The following PTPRG variants were observed in gnomAD, a reference collection of about 807,000 sequenced individuals.
PTPRG encodes the protein receptor-type tyrosine-protein phosphatase gamma.
Under a neutral mutation model 165.3 loss-of-function variants are expected in PTPRG, and 102 were observed. That is an observed-to-expected ratio of 0.62 (90% CI 0.53 to 0.73). The LOEUF (loss-of-function observed/expected upper bound fraction) is 0.73. Among genes scored for constraint, PTPRG ranks in the 30% least tolerant of loss-of-function variants. The probability of loss-of-function intolerance (pLI) is 0.00; values close to 1 mark genes in which losing one functional copy is unlikely to be tolerated. For synonymous variants in PTPRG, 675 were observed against 669.5 expected, an observed-to-expected ratio of 1.01 and a Z score of -0.13; for missense variants, 1,866 against 1,861.4, an observed-to-expected ratio of 1.00 and a Z score of -0.05.
chr3:62,225,717 G>C (rs1392242435), intron 13 of PTPRG, among the ~76,000 whole-genome samples: 1 of 150,132 alleles, frequency 6.7e-6, no homozygotes, highest in Non-Finnish European at 1.5e-5. Context: ...GTGCAATGGT[G>C]TGATCTCGGC....
intron 4 of PTPRG, among the ~76,000 whole-genome samples, chr3:62,046,142 A>G (rs1445664224): frequency 2.0e-5 from 3 of 152,136 alleles, no homozygotes; most frequent in Non-Finnish European, 4.4e-5. Flanking sequence ...CCCTCTCCCC[A>G]CTATACATCT....
At chr3:61,996,705 C>T (rs1214475845) in intron 3 of PTPRG, among the ~76,000 whole-genome samples, 1 of 152,122 alleles carries the variant, frequency 6.6e-6, no homozygotes, top group Non-Finnish European at 1.5e-5. Flanking sequence ...GCTAAGTGTG[C>T]TTTTGCTCTA....
At chr3:61,737,917 T>TTG (rs1041574117) in intron 1 of PTPRG, among the ~76,000 whole-genome samples, 1 of 150,520 alleles carries the variant, frequency 6.6e-6, no homozygotes, top group Non-Finnish European at 1.5e-5. Flanking sequence ...TTTTTTTGTT[T>TTG]TTTTTTTTTA....
At chr3:62,148,931 T>C (rs1391452239) in intron 6 of PTPRG, among the ~76,000 whole-genome samples, 1 of 152,160 alleles carries the variant, frequency 6.6e-6, no homozygotes, top group Non-Finnish European at 1.5e-5. Context: ...TCACACACAG[T>C]GCAGTTGTGG....
At chr3:61,585,150 T>C (rs993271870) in intron 1 of PTPRG, among the ~76,000 whole-genome samples, 2 of 151,590 alleles carry the variant, frequency 1.3e-5, no homozygotes, top group Non-Finnish European at 2.9e-5. Flanking sequence ...GTCTGATGTC[T>C]GGCACCTGTA....
intron 1 of PTPRG, among the ~76,000 whole-genome samples, chr3:61,668,533 GC>G (rs1702873974): frequency 6.6e-6 from 1 of 152,138 alleles, no homozygotes; most frequent in African/African-American, 2.4e-5. Context: ...TGTGGGTGGC[GC>G]CTTATAACAC....
At chr3:61,982,811 C>T (rs183157361) in intron 2 of PTPRG, among the ~76,000 whole-genome samples, 143 of 152,088 alleles carry the variant, frequency 9.4e-4, no homozygotes, top group Non-Finnish European at 1.7e-3. Flanking sequence ...AACATCCAGT[C>T]CTAAAATAGA....
At chr3:61,923,923 C>T (rs1000501790) in intron 2 of PTPRG, among the ~76,000 whole-genome samples, 1 of 152,032 alleles carries the variant, frequency 6.6e-6, no homozygotes, top group South Asian at 2.1e-4. Context: ...GTAAACGATT[C>T]ATCTTCGAGA....
At chr3:62,277,287 C>T (rs912997369) in intron 25 of PTPRG, among the ~76,000 whole-genome samples, 1 of 152,158 alleles carries the variant, frequency 6.6e-6, no homozygotes, top group Non-Finnish European at 1.5e-5. Context: ...TAATTTCACA[C>T]ATCTAGTCTT....
At chr3:61,742,330 T>TGC in intron 1 of PTPRG, 1 of 622,198 alleles carries the variant, frequency 1.6e-6, no homozygotes, top group Non-Finnish European at 2.7e-6. Context: ...AGGAAACAGT[T>TGC]GCGTTGATAT....
At chr3:62,230,789 C>G (rs889989914) in intron 13 of PTPRG, among the ~76,000 whole-genome samples, 1 of 152,112 alleles carries the variant, frequency 6.6e-6, no homozygotes, top group African/African-American at 2.4e-5. Flanking sequence ...CTAATGGCAC[C>G]AAATTCAGAG....
intron 1 of PTPRG, among the ~76,000 whole-genome samples, chr3:61,738,300 A>ATG (rs1559583330): frequency 1.6e-5 from 1 of 60,638 alleles, no homozygotes; most frequent in African/African-American, 5.7e-5. Flanking sequence ...ATATATATAT[A>ATG]TATATATATA....
intron 2 of PTPRG, among the ~76,000 whole-genome samples, chr3:61,937,510 AT>A (rs2039509738): frequency 6.6e-6 from 1 of 152,204 alleles, no homozygotes; most frequent in African/African-American, 2.4e-5. Flanking sequence ...TTCATTGAGG[AT>A]TTAAGGCTGA....
chr3:61,735,654 A>G (rs1239098207), intron 1 of PTPRG, among the ~76,000 whole-genome samples: 1 of 151,942 alleles, frequency 6.6e-6, no homozygotes, highest in Non-Finnish European at 1.5e-5. Flanking sequence ...TGAGGAAGAG[A>G]GCAGTGTATT....
intron 1 of PTPRG, among the ~76,000 whole-genome samples, chr3:61,743,589 T>C (rs906308303): frequency 6.6e-6 from 1 of 152,194 alleles, no homozygotes; most frequent in African/African-American, 2.4e-5. Flanking sequence ...CAGCATATAC[T>C]GCTGGGCTTC....
chr3:61,786,880 TAAAGA>T, intron 2 of PTPRG, among the ~76,000 whole-genome samples: 1 of 152,192 alleles, frequency 6.6e-6, no homozygotes, highest in Non-Finnish European at 1.5e-5. Context: ...CATAACTGCT[TAAAGA>T]CAAAGAGAAA....
chr3:61,733,568 C>G (rs2032603293), intron 1 of PTPRG, among the ~76,000 whole-genome samples: 1 of 152,188 alleles, frequency 6.6e-6, no homozygotes, highest in African/African-American at 2.4e-5. Flanking sequence ...CATTACCTAT[C>G]ACCAGCACCA....
At chr3:61,655,693 A>G (rs57965131) in intron 1 of PTPRG, among the ~76,000 whole-genome samples, 34,387 of 151,890 alleles carry the variant, frequency 0.23, 4,649 homozygotes, top group African/African-American at 0.38. Context: ...CTCCTGGCTC[A>G]CTCCTGGGCT....
At chr3:62,265,875 C>T (rs1370953144) in intron 17 of PTPRG, among the ~76,000 whole-genome samples, 5 of 73,464 alleles carry the variant, frequency 6.8e-5, no homozygotes, top group African/African-American at 1.5e-4. Flanking sequence ...CACACACACA[C>T]GTATACATCT....
Sources: allele counts gnomAD v4.1 joint callset (sites outside exome capture counted in the v4.1 genomes callset), GRCh38; gene constraint gnomAD v4.1.1; transcripts MANE v1.5; gene names NCBI Gene and HGNC (gene_info 2026-07-23, HGNC 2026-07-21).